Variants in GRIA1 observed in about 807,000 individuals in gnomAD.
The protein encoded by GRIA1 is glutamate receptor 1.
A neutral mutation model predicts 99.2 loss-of-function variants in GRIA1; 31 were observed. The observed-to-expected ratio is 0.31, with a 90% confidence interval of 0.23 to 0.42. The LOEUF is 0.42. Ranked by LOEUF, GRIA1 falls within the 10% of genes least tolerant of loss-of-function variation. The probability of loss-of-function intolerance (pLI) is 1.00; values close to 1 mark genes in which losing one functional copy is unlikely to be tolerated. For synonymous variants in GRIA1, 438 were observed against 432.4 expected (o/e 1.01, Z -0.16); for missense variants, 782 against 1,157.5 (o/e 0.68, Z 4.71).
chr5:153,653,810 A>G (rs575646716), intron 4 of GRIA1, among the ~76,000 whole-genome samples: 1 of 152,314 alleles, frequency 6.6e-6, no homozygotes, highest in East Asian at 1.9e-4. Context: ...TATGTTAAAT[A>G]AATGTTTGTT....
rs1333646743 is a variant in GRIA1, at chr5:153,679,300, A to ACAAG, written c.1029+2142_1029+2143insGCAA. 9.6e-4 allele frequency among the ~76,000 whole-genome samples: 146 copies of ACAAG among 152,280 alleles called. 1 individual carries two copies. The highest frequency in any genetic ancestry group is 1.8e-3 in the Non-Finnish European group (121 of 68,012). ...AATAAATAAATAAATAAACAAACAA[A>ACAAG]CAAATAAACCAGAACATTCTGACCT... On this transcript the variant is annotated intron_variant, in intron 7 of 15. Transcript: ENST00000285900.
At chr5:153,765,124 G>C (rs1276569848) in intron 12 of GRIA1, among the ~76,000 whole-genome samples, 2 of 152,148 alleles carry the variant, frequency 1.3e-5, no homozygotes, top group South Asian at 2.1e-4. Context: ...TGCCAGGAGA[G>C]AGAGAAAATG....
In GRIA1 at chr5:153,811,749, C is replaced by G. The variant is rs1766832646; in HGVS notation, c.*524C>G. ...CTTTACAAGCAAGAGGAAAAAAAAG[C>G]AACCTTCAAACTAATTCTCCATGGG... On this transcript the variant is annotated 3_prime_UTR_variant, in exon 16 of 16. Coordinates refer to ENST00000285900, the MANE Select transcript of GRIA1 (RefSeq NM_000827.4). The G allele has an allele frequency of 6.4e-6, 1 of 155,492 alleles. No homozygotes were observed. The highest frequency in any genetic ancestry group is 6.3e-5 in the Admixed American group (1 of 15,918). 9.6% of individuals were successfully genotyped at this position (155,492 alleles called of 1,614,324 possible).
At chr5:153,792,666 G>A (rs564807010) in intron 13 of GRIA1, among the ~76,000 whole-genome samples, 4 of 152,308 alleles carry the variant, frequency 2.6e-5, no homozygotes, top group South Asian at 4.1e-4. Context: ...CAGGCACAAA[G>A]ACCATTTTGG....
At chr5:153,629,441 G>A (rs1433282753) in intron 2 of GRIA1, among the ~76,000 whole-genome samples, 1 of 152,190 alleles carries the variant, frequency 6.6e-6, no homozygotes, top group Non-Finnish European at 1.5e-5. Flanking sequence ...TGTGATGAGC[G>A]ACATTGTAGA....
intron 2 of GRIA1, among the ~76,000 whole-genome samples, chr5:153,495,165 A>G (rs564275259): frequency 6.6e-6 from 1 of 152,340 alleles, no homozygotes; most frequent in East Asian, 1.9e-4. Flanking sequence ...ATTATAGCAG[A>G]TTTCATTTAT....
In GRIA1 at chr5:153,677,090, G is replaced by T; in HGVS notation, c.958G>T (p.Ala320Ser). The change falls in exon 7 of 16, where the codon GCT (alanine) becomes TCT (serine). Residue 320 changes from alanine to serine, a missense_variant. By Grantham distance (99) the Ala-to-Ser change is moderately conservative. Around this residue, in one of 5 missense-constraint regions of GRIA1, gnomAD observed 461 missense variants for 521.7 expected, o/e 0.88. Transcript: ENST00000285900. ...AATTGATATATCTCGCCGGGGGAAT[G>T]CTGGGGATTGTCTGGCTAACCCAGC... The part of the protein sequence containing the change: ...QRIDISRRGN[A>S]GDCLANPAVP... 2 of 1,585,200 alleles carry T rather than the reference G, an allele frequency of 1.3e-6. No homozygotes were observed. The highest frequency in any genetic ancestry group is 1.7e-6 in the Non-Finnish European group (2 of 1,163,370).
intron 2 of GRIA1, among the ~76,000 whole-genome samples, chr5:153,560,455 C>T (rs748252867): frequency 4.3e-4 from 65 of 152,124 alleles, no homozygotes; most frequent in Non-Finnish European, 6.5e-4. Context: ...ATAACCCCCA[C>T]GTGTCAAGGG....
At chr5:153,617,814 C>T (rs545062991) in intron 2 of GRIA1, among the ~76,000 whole-genome samples, 2 of 152,074 alleles carry the variant, frequency 1.3e-5, no homozygotes, top group African/African-American at 4.8e-5. Context: ...CCCTTAAGTC[C>T]TTCTGATACA....
At chr5:153,775,124 G>T (rs941156017) in intron 13 of GRIA1, among the ~76,000 whole-genome samples, 1 of 152,178 alleles carries the variant, frequency 6.6e-6, no homozygotes, top group Non-Finnish European at 1.5e-5. Context: ...GGCCCTTTTG[G>T]TGCCAACTTA....
chr5:153,811,054 C>T lies in GRIA1; in HGVS notation c.2550C>T (p.Ile850=), dbSNP rs1407779631. Residue 850 remains isoleucine, a synonymous_variant, in exon 16 of 16, where the codon ATC becomes ATT. Transcript: ENST00000285900. ...KGFCLIPQQS[I]NEAIRTSTLP... ...TTTGTTTGATCCCACAGCAATCCAT[C>T]AACGAAGCCATACGGACATCGACCC... 1.2e-6 allele frequency: 2 copies of T among 1,614,154 alleles called. No homozygotes were observed. The highest frequency in any genetic ancestry group is 1.7e-6 in the Non-Finnish European group (2 of 1,179,974).
Position 153,650,467 on chromosome 5 carries a change from G to C in GRIA1, c.598G>C (p.Val200Leu), listed in dbSNP as rs1581402531. 1 of 1,613,972 alleles carries C rather than the reference G, an allele frequency of 6.2e-7. No individual in the cohort carries two copies. Among genetic ancestry groups the C allele is most frequent in the Non-Finnish European group, 8.5e-7 (1 of 1,179,920 alleles). Reference protein sequence around the residue: ...QDLEKKKERLVVVDCESERLN... With the variant: ...QDLEKKKERLLVVDCESERLN... ...CCTGGAGAAGAAAAAGGAGCGGCTG[G>C]TGGTGGTGGACTGTGAATCAGAACG... Residue 200 changes from valine (V) to leucine (L), a missense_variant, in exon 4 of 16, where the codon GTG becomes CTG. Physicochemically the swap from Val to Leu is conservative, Grantham distance 32. Transcript: ENST00000285900.
intron 14 of GRIA1, chr5:153,795,652 G>A: frequency 1.0e-6 from 1 of 964,168 alleles, no homozygotes; most frequent in East Asian, 2.6e-5. Context: ...GTTGAACAGT[G>A]TCCTCCGAGC....
intron 2 of GRIA1, among the ~76,000 whole-genome samples, chr5:153,544,933 T>C (rs900857493): frequency 1.2e-4 from 19 of 152,338 alleles, no homozygotes; most frequent in Non-Finnish European, 2.2e-4. Context: ...TGGTCTTAGT[T>C]CCAAGTCTGC....
At chr5:153,731,485 T>C (rs1435694368) in intron 11 of GRIA1, among the ~76,000 whole-genome samples, 1 of 152,080 alleles carries the variant, frequency 6.6e-6, no homozygotes, top group Non-Finnish European at 1.5e-5. Flanking sequence ...GACTCCTGTG[T>C]TTTTCATGCA....
intron 5 of GRIA1, among the ~76,000 whole-genome samples, chr5:153,673,986 G>T (rs904483338): frequency 1.3e-5 from 2 of 152,210 alleles, no homozygotes; most frequent in African/African-American, 2.4e-5. Context: ...GTGTCCTTGG[G>T]TAACTCATAG....
chr5:153,545,146 G>A (rs1193714974), intron 2 of GRIA1, among the ~76,000 whole-genome samples: 1 of 152,124 alleles, frequency 6.6e-6, no homozygotes, highest in Non-Finnish European at 1.5e-5. Context: ...TTGAAAGATG[G>A]AGATTCATGA....
intron 7 of GRIA1, among the ~76,000 whole-genome samples, chr5:153,683,739 C>T (rs990874624): frequency 2.0e-5 from 3 of 152,228 alleles, no homozygotes; most frequent in African/African-American, 7.2e-5. Flanking sequence ...CCACTCTACA[C>T]AGCACAGTAG....
At chr5:153,799,336 G>T (rs1765849378) in intron 14 of GRIA1, among the ~76,000 whole-genome samples, 1 of 152,266 alleles carries the variant, frequency 6.6e-6, no homozygotes, top group African/African-American at 2.4e-5. Context: ...TTTTGTCCCT[G>T]CCCCAGGATT....
Sources: allele counts gnomAD v4.1 joint callset (sites outside exome capture counted in the v4.1 genomes callset), GRCh38; gene constraint gnomAD v4.1.1; regional missense constraint gnomAD v4.1.1; transcripts MANE v1.5; gene names NCBI Gene and HGNC (gene_info 2026-07-23, HGNC 2026-07-21).